Variants in ROBO2 observed in about 807,000 individuals in gnomAD.
ROBO2 encodes roundabout guidance receptor 2.
Under a neutral mutation model 160.8 loss-of-function variants are expected in ROBO2, and 53 were observed. That is an observed-to-expected ratio of 0.33 (90% CI 0.26 to 0.41). The LOEUF (loss-of-function observed/expected upper bound fraction) is 0.41. ROBO2 is among the 10% of genes least tolerant of loss of function. ROBO2 has a pLI of 1.00. For missense variants in ROBO2, 1,577 were observed against 1,722.4 expected, an observed-to-expected ratio of 0.92 and a Z score of 1.49; for synonymous variants, 664 against 611.7, an observed-to-expected ratio of 1.09 and a Z score of -1.26.
chr3:77,474,026 A>G (rs1467610692), intron 2 of ROBO2, among the ~76,000 whole-genome samples: 1 of 152,130 alleles, frequency 6.6e-6, no homozygotes, highest in Non-Finnish European at 1.5e-5. Context: ...CTACCAAAGA[A>G]GAAAACCATT....
chr3:76,465,943 C>G (rs17014231), intron 2 of ROBO2, among the ~76,000 whole-genome samples: 4,623 of 151,356 alleles, frequency 0.031, 241 homozygotes, highest in African/African-American at 0.11. Context: ...CATACATTTT[C>G]TCCTTTTGAT....
chr3:76,489,590 A>G (rs1256518586), intron 2 of ROBO2, among the ~76,000 whole-genome samples: 1 of 152,188 alleles, frequency 6.6e-6, no homozygotes, highest in Non-Finnish European at 1.5e-5. Context: ...GCATAGTCTC[A>G]TGAATAATTA....
intron 2 of ROBO2, among the ~76,000 whole-genome samples, chr3:76,794,412 TA>T (rs2063555910): frequency 6.6e-6 from 1 of 151,954 alleles, no homozygotes; most frequent in Non-Finnish European, 1.5e-5. Context: ...GTGGACATAA[TA>T]AAGGTTATTA....
intron 2 of ROBO2, among the ~76,000 whole-genome samples, chr3:76,454,300 G>T (rs2077633582): frequency 6.6e-6 from 1 of 152,056 alleles, no homozygotes; most frequent in Non-Finnish European, 1.5e-5. Flanking sequence ...AAAGTTATTG[G>T]GTCAAAACTT....
At chr3:76,266,586 A>T (rs931593704) in intron 2 of ROBO2, among the ~76,000 whole-genome samples, 34 of 152,108 alleles carry the variant, frequency 2.2e-4, no homozygotes, top group African/African-American at 8.0e-4. Context: ...TACATCCAAG[A>T]TTATGTTTGT....
At chr3:76,600,668 T>C (rs1463903416) in intron 2 of ROBO2, among the ~76,000 whole-genome samples, 2 of 152,130 alleles carry the variant, frequency 1.3e-5, no homozygotes, top group Non-Finnish European at 2.9e-5. Context: ...CACCTCCCAC[T>C]GGATTCCTCC....
At chr3:77,244,963 T>TTA (rs1553866689) in intron 2 of ROBO2, among the ~76,000 whole-genome samples, 11 of 151,040 alleles carry the variant, frequency 7.3e-5, no homozygotes, top group East Asian at 1.9e-4. Flanking sequence ...TTTTTTTTTT[T>TTA]ATCAAAAAAG....
chr3:77,546,475 C>A lies in ROBO2; in HGVS notation c.1059+13C>A. On this transcript the variant is annotated intron_variant, in intron 7 of 25. Transcript: ENST00000461745. ...AGAAGGCAGCCAGGTGAGTGTGAGG[C>A]TTCACTGCTTTTCTGAAATCTCTGA... The A allele has an allele frequency of 6.2e-7, 1 of 1,612,748 alleles. No homozygotes were observed. Among genetic ancestry groups the A allele is most frequent in the African/African-American group, 1.3e-5 (1 of 74,972 alleles).
At chr3:77,634,741 C>A in intron 23 of ROBO2, 129 bp from the exon 25 acceptor site, 1 of 895,016 alleles carries the variant, frequency 1.1e-6, no homozygotes, top group Non-Finnish European at 1.8e-6. Context: ...AGAGATGCAC[C>A]AATATTTGGT....
intron 2 of ROBO2, among the ~76,000 whole-genome samples, chr3:76,063,087 C>T (rs1281525323): frequency 6.6e-6 from 1 of 152,118 alleles, no homozygotes; most frequent in South Asian, 2.1e-4. Context: ...CATATCAGCT[C>T]ATTTAAACAA....
rs572553078 is a variant in ROBO2 at position 76,128,089 on chromosome 3, T to C, written c.109+190487T>C. ...TTTTGCATTTTTAGTAGAGACGAGGTTTCATTACATTGGCCAATCTGGTCT... is the reference window on the plus strand; with the variant it reads ...TTTTGCATTTTTAGTAGAGACGAGGCTTCATTACATTGGCCAATCTGGTCT... On this transcript the variant is annotated intron_variant, in intron 2 of 26. Transcript: ENST00000487694. Among the ~76,000 whole-genome samples the C allele has an allele frequency of 2.0e-5, 3 of 151,864 alleles. No homozygotes were observed. In the East Asian group the frequency reaches 5.9e-4, roughly 30 times the overall value.
chr3:75,941,379 T>A (rs1412932303), intron 2 of ROBO2, among the ~76,000 whole-genome samples: 2 of 152,214 alleles, frequency 1.3e-5, no homozygotes, highest in Non-Finnish European at 2.9e-5. Flanking sequence ...TATGTCAGTA[T>A]GTTTTCAAAA....
chr3:77,216,838 T>C (rs527525503), intron 2 of ROBO2, among the ~76,000 whole-genome samples: 1 of 151,852 alleles, frequency 6.6e-6, no homozygotes, highest in African/African-American at 2.4e-5. Flanking sequence ...AATGCCATAT[T>C]TTTTTCAAAA....
At chr3:76,134,277 TCTC>T (rs1029269481) in intron 2 of ROBO2, among the ~76,000 whole-genome samples, 1 of 141,588 alleles carries the variant, frequency 7.1e-6, no homozygotes, top group African/African-American at 2.7e-5. Flanking sequence ...ACTTTTTTTT[TCTC>T]TCTCTCTCTC....
chr3:76,617,693 T>G (rs1009872577), intron 2 of ROBO2, among the ~76,000 whole-genome samples: 1 of 152,150 alleles, frequency 6.6e-6, no homozygotes. Flanking sequence ...TAAAGACCTA[T>G]AGACCACCTG....
intron 5 of ROBO2, among the ~76,000 whole-genome samples, chr3:77,498,873 G>A (rs1393155965): frequency 6.6e-6 from 1 of 152,140 alleles, no homozygotes; most frequent in Non-Finnish European, 1.5e-5. Flanking sequence ...CTGGGCAAGT[G>A]AAATGGTCTT....
intron 2 of ROBO2, among the ~76,000 whole-genome samples, chr3:76,017,270 C>G (rs2066431065): frequency 6.6e-6 from 1 of 152,150 alleles, no homozygotes; most frequent in Non-Finnish European, 1.5e-5. Context: ...AAGACAGGCA[C>G]AGTACCCACT....
chr3:77,521,560 T>G (rs2090600310), intron 5 of ROBO2, among the ~76,000 whole-genome samples: 1 of 151,246 alleles, frequency 6.6e-6, no homozygotes, highest in African/African-American at 2.4e-5. Context: ...TATGACATAT[T>G]TAATAAGCAG....
chr3:75,975,518 T>C (rs562232324), intron 2 of ROBO2, among the ~76,000 whole-genome samples: 3 of 151,596 alleles, frequency 2.0e-5, no homozygotes, highest in African/African-American at 7.2e-5. Flanking sequence ...GAAATGATTT[T>C]TATTAGCATT....
Sources: gnomAD v4.1 joint callset for allele counts (sites outside exome capture counted in the v4.1 genomes callset) on GRCh38, gnomAD v4.1.1 for gene constraint, MANE v1.5 for transcripts, NCBI Gene and HGNC (gene_info 2026-07-23, HGNC 2026-07-21) for gene names.